Variants in SETBP1 observed in about 807,000 individuals in gnomAD.
The protein encoded by SETBP1 is SET-binding protein.
A neutral mutation model predicts 101.0 loss-of-function variants in SETBP1; 9 were observed. The observed-to-expected ratio is 0.09, with a 90% confidence interval of 0.05 to 0.16. SETBP1 has a LOEUF of 0.16. Among genes scored for constraint, SETBP1 ranks in the 10% least tolerant of loss-of-function variants. SETBP1 has a pLI of 1.00. For missense variants in SETBP1, 1,858 were observed against 2,033.8 expected (o/e 0.91, Z 1.66); for synonymous variants, 818 against 788.5 (o/e 1.04, Z -0.63).
At chr18:44,970,434 T>C (rs920717787) in intron 4 of SETBP1, among the ~76,000 whole-genome samples, 5 of 152,250 alleles carry the variant, frequency 3.3e-5, no homozygotes, top group Admixed American at 2.6e-4. Context: ...TGGTTATTAA[T>C]GATTATTATT....
chr18:44,919,194 T>C (rs1475233267), intron 3 of SETBP1, among the ~76,000 whole-genome samples: 1 of 152,160 alleles, frequency 6.6e-6, no homozygotes, highest in Non-Finnish European at 1.5e-5. Context: ...ATATAATACA[T>C]TAAGAGAATT....
intron 2 of SETBP1, among the ~76,000 whole-genome samples, chr18:44,837,647 C>G (rs560609693): frequency 2.6e-5 from 4 of 152,136 alleles, no homozygotes; most frequent in African/African-American, 9.7e-5. Flanking sequence ...AGAGGCGATG[C>G]GGTCCATTTG....
chr18:44,884,633 A>G (rs913354219), intron 3 of SETBP1, among the ~76,000 whole-genome samples: 1 of 152,236 alleles, frequency 6.6e-6, no homozygotes, highest in Admixed American at 6.5e-5. Flanking sequence ...CCAGCAACTG[A>G]GTAATTCACA....
chr18:44,811,108 C>T (rs1336314406), intron 2 of SETBP1, among the ~76,000 whole-genome samples: 1 of 152,222 alleles, frequency 6.6e-6, no homozygotes, highest in Non-Finnish European at 1.5e-5. Context: ...AATTCTATTG[C>T]TTATTCTCCT....
At chr18:44,888,887 G>T (rs1437251784) in intron 3 of SETBP1, among the ~76,000 whole-genome samples, 1 of 152,092 alleles carries the variant, frequency 6.6e-6, no homozygotes, top group East Asian at 1.9e-4. Flanking sequence ...CTTGATTTAT[G>T]TTTGAAATGG....
chr18:44,776,589 C>A (rs762826832), intron 2 of SETBP1, among the ~76,000 whole-genome samples: 1 of 152,234 alleles, frequency 6.6e-6, no homozygotes, highest in Non-Finnish European at 1.5e-5. Flanking sequence ...TTTCCTCTTT[C>A]CCTCTAATTC....
At chr18:44,891,892 T>C (rs1000303772) in intron 3 of SETBP1, among the ~76,000 whole-genome samples, 3 of 152,160 alleles carry the variant, frequency 2.0e-5, no homozygotes, top group South Asian at 2.1e-4. Flanking sequence ...AAAGACATTA[T>C]TTTTGAACGT....
At chr18:45,031,318 T>A (rs1350124269) in intron 4 of SETBP1, among the ~76,000 whole-genome samples, 1 of 152,206 alleles carries the variant, frequency 6.6e-6, no homozygotes, top group Non-Finnish European at 1.5e-5. Flanking sequence ...ACCTTTGTCA[T>A]ATTCACAGGT....
intron 3 of SETBP1, among the ~76,000 whole-genome samples, chr18:44,913,174 G>A (rs1246319563): frequency 6.6e-6 from 1 of 152,180 alleles, no homozygotes; most frequent in African/African-American, 2.4e-5. Context: ...GTACATTGAT[G>A]GGCTTCTACA....
chr18:44,731,500 G>A (rs371417824), intron 2 of SETBP1, among the ~76,000 whole-genome samples: 12 of 152,196 alleles, frequency 7.9e-5, no homozygotes, highest in African/African-American at 2.6e-4. Context: ...GCTTCATCTC[G>A]ATCTAACCAA....
At chr18:45,039,305 C>T (rs2073462305) in intron 5 of SETBP1, among the ~76,000 whole-genome samples, 1 of 152,308 alleles carries the variant, frequency 6.6e-6, no homozygotes, top group South Asian at 2.1e-4. Context: ...TCCTTTCCAC[C>T]TCTGTTCCCC....
intron 3 of SETBP1, among the ~76,000 whole-genome samples, chr18:44,936,836 G>T (rs145788561): frequency 7.9e-5 from 12 of 152,278 alleles, no homozygotes; most frequent in African/African-American, 2.6e-4. Flanking sequence ...TTGTCAGGTA[G>T]CCCCGAGGGA....
intron 2 of SETBP1, among the ~76,000 whole-genome samples, chr18:44,805,899 A>G (rs1241995837): frequency 6.6e-6 from 1 of 152,152 alleles, no homozygotes; most frequent in African/African-American, 2.4e-5. Flanking sequence ...TAGGGGGAGC[A>G]CTAGTTCATC....
In SETBP1 at chr18:44,950,653, C is replaced by T. The variant is rs768811143; in HGVS notation, c.1313C>T (p.Ala438Val). 1 of 1,614,164 alleles carries T rather than the reference C, an allele frequency of 6.2e-7. No homozygotes were observed. The highest frequency in any genetic ancestry group is 1.1e-5 in the South Asian group (1 of 91,082). ...VEKIMPEKAL[A>V]SGITMSSEVV... ...AAGATCATGCCAGAGAAAGCCTTGG[C>T]TTCTGGAATCACCATGAGCAGTGAA... Residue 438 changes from alanine (A) to valine (V), a missense_variant, in exon 4 of 6, where the codon GCT becomes GTT. By Grantham distance (64) the Ala-to-Val change is moderately conservative. Coordinates refer to ENST00000649279, the MANE Select transcript of SETBP1 (RefSeq NM_015559.3).
chr18:44,731,072 G>A lies in SETBP1; in HGVS notation c.486+29240G>A, dbSNP rs117296188. Among the ~76,000 whole-genome samples the A allele has an allele frequency of 7.2e-4, 110 of 152,242 alleles. 2 individuals carry two copies. In the East Asian group the frequency reaches 0.021, roughly 29 times the overall value. On this transcript the variant is annotated intron_variant, in intron 2 of 5. Transcript: ENST00000649279. The stretch of plus-strand genomic sequence containing the variant: ...TGTATGACCCTGGTGACTGGGCTGG[G>A]ATGGATGCAACAGCTGGGGCTGCCT...
At chr18:44,848,696 A>G in intron 2 of SETBP1, among the ~76,000 whole-genome samples, 1 of 152,250 alleles carries the variant, frequency 6.6e-6, no homozygotes, top group Admixed American at 6.5e-5. Flanking sequence ...GAAGGGTTGC[A>G]GATTACATTT....
chr18:44,833,317 A>G (rs930584416), intron 2 of SETBP1, among the ~76,000 whole-genome samples: 1 of 152,214 alleles, frequency 6.6e-6, no homozygotes, highest in African/African-American at 2.4e-5. Flanking sequence ...TTTCTGGAGA[A>G]AGGGAGGCTT....
chr18:44,937,676 A>C, intron 3 of SETBP1, among the ~76,000 whole-genome samples: 1 of 152,138 alleles, frequency 6.6e-6, no homozygotes, highest in East Asian at 1.9e-4. Context: ...AGACCGGCAC[A>C]TCTCAGATGC....
chr18:44,800,556 C>T (rs1432546792), intron 2 of SETBP1, among the ~76,000 whole-genome samples: 2 of 152,150 alleles, frequency 1.3e-5, no homozygotes, highest in African/African-American at 2.4e-5. Flanking sequence ...TTTCCTGATG[C>T]ATCTGTGCAG....
Sources: gnomAD v4.1 joint callset for allele counts (sites outside exome capture counted in the v4.1 genomes callset) on GRCh38, gnomAD v4.1.1 for gene constraint, MANE v1.5 for transcripts, NCBI Gene and HGNC (gene_info 2026-07-23, HGNC 2026-07-21) for gene names.